VAV3: variants seen among roughly 807,000 people sequenced by gnomAD.
VAV3 encodes vav guanine nucleotide exchange factor 3.
VAV3 carries 94 observed loss-of-function variants against 131.2 expected under a neutral mutation model. The observed-to-expected ratio is 0.72, with a 90% CI of 0.61 to 0.85. VAV3 has a LOEUF of 0.85. VAV3 is among the 40% of genes least tolerant of loss of function. VAV3 has a pLI of 0.00. For synonymous variants in VAV3, 349 were observed against 342.0 expected, an observed-to-expected ratio of 1.02 and a Z score of -0.22; for missense variants, 939 against 1,002.7, an observed-to-expected ratio of 0.94 and a Z score of 0.86.
At chr1:107,778,391 T>G (rs979912415) in intron 3 of VAV3, among the ~76,000 whole-genome samples, 3 of 138,188 alleles carry the variant, frequency 2.2e-5, no homozygotes, top group African/African-American at 8.1e-5. Flanking sequence ...CATAAAAATT[T>G]GATCATGCTT....
chr1:107,763,476 A>G (rs760189568), intron 9 of VAV3, among the ~76,000 whole-genome samples: 4 of 152,228 alleles, frequency 2.6e-5, no homozygotes, highest in Non-Finnish European at 5.9e-5. Flanking sequence ...TATTTTAAGA[A>G]AAACTGCTTT....
chr1:107,684,209 C>A (rs941132043), intron 18 of VAV3, among the ~76,000 whole-genome samples: 2 of 152,316 alleles, frequency 1.3e-5, no homozygotes, highest in South Asian at 2.1e-4. Flanking sequence ...TATGAAAATG[C>A]ATGGCTACAT....
Position 107,644,116 on chromosome 1 carries a change from C to T in VAV3, c.1778-1361G>A, listed in dbSNP as rs534873127. ...TTCATTGACTTTCCCCTAAACAACA[C>T]TCTATAAGAGAACTCCTCTCAGTTA... On this transcript the variant is annotated intron_variant, in intron 19 of 26. Transcript: ENST00000370056. Among the ~76,000 whole-genome samples the T allele has an allele frequency of 2.0e-5, 3 of 152,280 alleles. No homozygotes were observed. The East Asian group carries it at 5.8e-4, about 29-fold the overall frequency.
chr1:107,744,105 C>A (rs186790268), intron 15 of VAV3, among the ~76,000 whole-genome samples: 1 of 152,290 alleles, frequency 6.6e-6, no homozygotes, highest in East Asian at 1.9e-4. Flanking sequence ...CAGGCAGGGG[C>A]TGCCGCTCCG....
At chr1:107,809,950 C>T (rs1325299849) in intron 2 of VAV3, among the ~76,000 whole-genome samples, 2 of 152,214 alleles carry the variant, frequency 1.3e-5, no homozygotes, top group African/African-American at 4.8e-5. Flanking sequence ...TACAGCATAA[C>T]TTACTGCTAC....
At chr1:107,761,254 A>G (rs149631041) in intron 9 of VAV3, among the ~76,000 whole-genome samples, 3,560 of 152,062 alleles carry the variant, frequency 0.023, 61 homozygotes, top group African/African-American at 0.054. Context: ...TTAGCCGGTC[A>G]TGGTGGCAGG....
At chr1:107,782,069 C>G (rs1219573310) in intron 2 of VAV3, among the ~76,000 whole-genome samples, 1 of 152,154 alleles carries the variant, frequency 6.6e-6, no homozygotes, top group Non-Finnish European at 1.5e-5. Context: ...TAATATATCA[C>G]TGTTAGAAAG....
chr1:107,575,330 C>T lies in VAV3; in HGVS notation c.2351-1132G>A, dbSNP rs576744040. On this transcript the variant is annotated intron_variant, in intron 25 of 26. Transcript: ENST00000370056. ...AAACACCAACCATCTGTATTTTTAA[C>T]AGTTCCCAGGGCTCAGGCAGCAGAA... Among the ~76,000 whole-genome samples the T allele has an allele frequency of 2.0e-5, 3 of 152,274 alleles. No homozygotes were observed. In the East Asian group the frequency reaches 5.8e-4, roughly 29 times the overall value.
chr1:107,906,413 C>T (rs1412552379), intron 1 of VAV3, among the ~76,000 whole-genome samples: 1 of 152,064 alleles, frequency 6.6e-6, no homozygotes, highest in Non-Finnish European at 1.5e-5. Context: ...GCCTGTAATC[C>T]CAGCACTTTG....
At chr1:107,925,374 T>C (rs1673099434) in intron 1 of VAV3, among the ~76,000 whole-genome samples, 1 of 152,208 alleles carries the variant, frequency 6.6e-6, no homozygotes, top group East Asian at 1.9e-4. Context: ...TGAATTTGTA[T>C]ACCCGTATTC....
chr1:107,587,500 A>G (rs1409471488), intron 25 of VAV3, among the ~76,000 whole-genome samples: 1 of 152,238 alleles, frequency 6.6e-6, no homozygotes, highest in Non-Finnish European at 1.5e-5. Context: ...TTCTTGGATC[A>G]GGGCTGTTAT....
chr1:107,875,818 G>C (rs1427512683), intron 1 of VAV3, among the ~76,000 whole-genome samples: 3 of 152,176 alleles, frequency 2.0e-5, no homozygotes, highest in Non-Finnish European at 4.4e-5. Flanking sequence ...CAATAACCCA[G>C]GTGAGAGACA....
chr1:107,683,653 T>C, intron 18 of VAV3, 120 bp from the exon 19 acceptor site: 1 of 982,528 alleles, frequency 1.0e-6, no homozygotes. Flanking sequence ...CAAGTCAAAG[T>C]ATGACTAAAT....
Position 107,620,922 on chromosome 1 carries a change from C to T in VAV3, c.1915-3290G>A, listed in dbSNP as rs149648671. ...ATACTAGAGGGGTAGAGGAAGAGAC[C>T]GTGGTTGTATAAGAAATGCTCTAAA... On this transcript the variant is annotated intron_variant, in intron 20 of 26. Transcript: ENST00000370056. Among the ~76,000 whole-genome samples, 942 of 151,908 alleles carry T rather than the reference C, an allele frequency of 6.2e-3. 5 individuals carry two copies. Among genetic ancestry groups the T allele is most frequent in the Middle Eastern group, 0.014 (4 of 294 alleles).
intron 20 of VAV3, among the ~76,000 whole-genome samples, chr1:107,624,633 A>G (rs1171611431): frequency 6.6e-6 from 1 of 152,162 alleles, no homozygotes; most frequent in Non-Finnish European, 1.5e-5. Context: ...CAGACAACAA[A>G]TGAATGTTTT....
At chr1:107,698,322 G>T (rs919700398) in intron 17 of VAV3, among the ~76,000 whole-genome samples, 1 of 152,170 alleles carries the variant, frequency 6.6e-6, no homozygotes, top group African/African-American at 2.4e-5. Context: ...CACTCATGAT[G>T]CTGGGCAGCA....
Position 107,574,196 on chromosome 1 carries a change from A to T in VAV3, c.2353T>A (p.Leu785Ile), listed in dbSNP as rs778618745. Residue 785 changes from leucine (L) to isoleucine (I), a missense_variant and splice_region_variant, in exon 26 of 27, where the codon TTA (leucine) becomes ATA (isoleucine). Transcript: ENST00000370056. ...GCAATGCCCAGCACTTTTGGACTTA[A>T]CACTGTCAAGAAATGACAAGCAATG... is the stretch of plus-strand genomic sequence containing the variant. ...QRGNRAGNSL[L>I]SPKVLGIAIA... The T allele has an allele frequency of 1.2e-6, 2 of 1,612,940 alleles. No homozygotes were observed. Among genetic ancestry groups the T allele is most frequent in the Non-Finnish European group, 8.5e-7 (1 of 1,179,704 alleles).
At chr1:107,880,455 G>A (rs904067727) in intron 1 of VAV3, among the ~76,000 whole-genome samples, 1 of 152,156 alleles carries the variant, frequency 6.6e-6, no homozygotes, top group Non-Finnish European at 1.5e-5. Flanking sequence ...GCATGCCAAA[G>A]AGATCTTGGC....
At chr1:107,622,214 C>T (rs1368991223) in intron 20 of VAV3, among the ~76,000 whole-genome samples, 2 of 152,150 alleles carry the variant, frequency 1.3e-5, no homozygotes, top group African/African-American at 4.8e-5. Context: ...TTATTTCTAA[C>T]TGACCTTAGG....
Sources: gnomAD v4.1 joint callset for allele counts (sites outside exome capture counted in the v4.1 genomes callset) on GRCh38, gnomAD v4.1.1 for gene constraint, MANE v1.5 for transcripts, NCBI Gene and HGNC (gene_info 2026-07-23, HGNC 2026-07-21) for gene names.